SUCO: variants seen among roughly 807,000 people sequenced by gnomAD.
SUCO encodes SUN domain-containing ossification factor.
In SUCO, 57 loss-of-function variants were observed where a neutral mutation model predicts 148.1. The observed-to-expected ratio is 0.38, with a 90% CI of 0.31 to 0.48. The LOEUF is 0.48. Ranked by LOEUF, SUCO falls within the 20% of genes least tolerant of loss-of-function variation. SUCO has a pLI of 0.96. For missense variants in SUCO, 1,331 were observed against 1,468.2 expected (o/e 0.91, Z 1.53); for synonymous variants, 470 against 502.7 (o/e 0.93, Z 0.87).
chr1:172,611,071 A>G lies in SUCO; in HGVS notation c.*812A>G, dbSNP rs910180928. ...TCTTTAGCTTACATTTTAAACATAC[A>G]CAATAAACACTAATCCTCCAAACTT... On this transcript the variant is annotated 3_prime_UTR_variant, in exon 24 of 24. Transcript: ENST00000263688. 6 of 152,632 alleles carry G rather than the reference A, an allele frequency of 3.9e-5. No individual in the cohort carries two copies. Among genetic ancestry groups the G allele is most frequent in the African/African-American group, 1.2e-4 (5 of 41,458 alleles). 9.5% of individuals were successfully genotyped at this position (152,632 alleles called of 1,614,324 possible).
chr1:172,557,026 A>G (rs1653804696), intron 4 of SUCO: 3 of 973,394 alleles, frequency 3.1e-6, no homozygotes, highest in Non-Finnish European at 3.7e-6. Context: ...ATTAAACTTT[A>G]GAGAAGATAC....
chr1:172,556,719 C>T (rs1428077854), intron 4 of SUCO: 1 of 984,900 alleles, frequency 1.0e-6, no homozygotes, highest in Non-Finnish European at 1.2e-6. Flanking sequence ...GGCCAGGGAA[C>T]AGAAGACATG....
intron 2 of SUCO, 65 bp downstream of exon 2, chr1:172,551,691 C>A: frequency 1.9e-6 from 2 of 1,059,036 alleles, no homozygotes; most frequent in South Asian, 3.2e-5. Context: ...TGAAAACATT[C>A]AGAATAAAAG....
In SUCO at chr1:172,556,498, G is replaced by T. The variant is rs186686260; in HGVS notation, c.443+475G>T. ...ATCCTTAATTTAGAAAATTTGTTAT[G>T]TACTTCTCCTAGCTTCTTCCTGCAG... On this transcript the variant is annotated intron_variant, in intron 4 of 23. Coordinates refer to ENST00000263688, the MANE Select transcript of SUCO (RefSeq NM_014283.5). The T allele has an allele frequency of 9.3e-5, 49 of 526,756 alleles. No homozygotes were observed. The Middle Eastern group carries it at 2.9e-3, about 31-fold the overall frequency. 32.6% of individuals were successfully genotyped at this position (526,756 alleles called of 1,614,324 possible).
intron 6 of SUCO, among the ~76,000 whole-genome samples, chr1:172,561,001 G>T (rs1654108117): frequency 6.6e-6 from 1 of 152,208 alleles, no homozygotes; most frequent in African/African-American, 2.4e-5. Context: ...CTGAAAGAGG[G>T]TGGCACCGCC....
chr1:172,551,492 T>G lies in SUCO; in HGVS notation c.63-20T>G. The G allele has an allele frequency of 1.4e-6, 2 of 1,436,494 alleles. No homozygotes were observed. The highest frequency in any genetic ancestry group is 9.6e-7 in the Non-Finnish European group (1 of 1,040,170). The allele number at this position is 1,436,494 out of a possible 1,614,324, so 89.0% of individuals were successfully genotyped here. On this transcript the variant is annotated intron_variant, in intron 1 of 23. Transcript: ENST00000263688. ...CTCTTTCTCTTTTTCTGTTTGTTGG[T>G]GGTGGTGGGTGTTTTACAGGCTTCC...
In SUCO at chr1:172,573,473, G is replaced by A. The variant is rs1189938082; in HGVS notation, c.1050-418G>A. ...ATATATACAAAGGTGGACATCTGAA[G>A]CCTTGAATCCTTAAGATAAATTTCT... On this transcript the variant is annotated intron_variant, in intron 9 of 23. Coordinates refer to ENST00000263688, the MANE Select transcript of SUCO (RefSeq NM_014283.5). 2.6e-5 allele frequency among the ~76,000 whole-genome samples: 4 copies of A among 152,188 alleles called. No homozygotes were observed. In the East Asian group the frequency reaches 5.8e-4, roughly 22 times the overall value.
At chr1:172,608,675 G>A (rs984590684) in intron 22 of SUCO, 72 bp from the exon 23 acceptor site, 1 of 953,264 alleles carries the variant, frequency 1.0e-6, no homozygotes, top group Admixed American at 2.1e-5. Flanking sequence ...TCTTATTTTA[G>A]TGTTTAATTA....
chr1:172,593,896 G>A (rs570211407), intron 19 of SUCO, among the ~76,000 whole-genome samples: 1 of 152,108 alleles, frequency 6.6e-6, no homozygotes, highest in Non-Finnish European at 1.5e-5. Context: ...CTGTGAATCT[G>A]TCTGGTCCTG....
intron 22 of SUCO, among the ~76,000 whole-genome samples, chr1:172,604,668 C>A (rs747782633): frequency 3.3e-5 from 5 of 151,702 alleles, no homozygotes; most frequent in Non-Finnish European, 7.4e-5. Flanking sequence ...TTAACCAATT[C>A]CCCTTTTCTC....
At chr1:172,579,338 G>GACACACACA in intron 15 of SUCO, 71 bp downstream of exon 15, 1 of 969,094 alleles carries the variant, frequency 1.0e-6, no homozygotes, top group Non-Finnish European at 1.6e-6. Flanking sequence ...ATTTTGTCAT[G>GACACACACA]GTATGGTTGA....
chr1:172,557,264 T>A lies in SUCO; in HGVS notation c.444-16T>A, dbSNP rs1471971799. On this transcript the variant is annotated splice_polypyrimidine_tract_variant and intron_variant, in intron 4 of 23. Coordinates refer to ENST00000263688, the MANE Select transcript of SUCO (RefSeq NM_014283.5). ...TTATTTAATTACCAGATTATGTTTC[T>A]TGTTTCTTTTTTTAGTGAAATAGAA... 1 of 1,610,018 alleles carries A rather than the reference T, an allele frequency of 6.2e-7. No individual in the cohort carries two copies. The highest frequency in any genetic ancestry group is 1.7e-5 in the Admixed American group (1 of 59,378).
At chr1:172,571,668 G>A (rs1291522574) in intron 9 of SUCO, among the ~76,000 whole-genome samples, 4 of 122,238 alleles carry the variant, frequency 3.3e-5, no homozygotes, top group South Asian at 3.1e-4. Context: ...TTCTCTGCCC[G>A]GCCGCCCATC....
At chr1:172,542,866 A>C in intron 1 of SUCO, 1 of 985,460 alleles carries the variant, frequency 1.0e-6, no homozygotes, top group Non-Finnish European at 1.2e-6. Context: ...TTAAGTGGTC[A>C]ACAATATAAA....
chr1:172,570,053 C>G lies in SUCO; in HGVS notation c.863C>G (p.Ser288Trp), dbSNP rs534863341. The G allele has an allele frequency of 4.6e-6, 7 of 1,527,266 alleles. No homozygotes were observed. The East Asian group carries it at 1.7e-4, about 37-fold the overall frequency. 94.6% of individuals were successfully genotyped at this position (1,527,266 alleles called of 1,614,324 possible). Residue 288 changes from serine to tryptophan, a missense_variant, in exon 8 of 24, where the codon TCG (serine) becomes TGG (tryptophan). Around this residue, in one of 3 missense-constraint regions of SUCO, gnomAD observed 992 missense variants for 1,093.5 expected, o/e 0.91. Coordinates refer to ENST00000263688, the MANE Select transcript of SUCO (RefSeq NM_014283.5). ...VMEVEKEKSQ[S>W]MHASSNGGSH... ...AATAACGGTTTGTCTGCAGGTCAGT[C>G]GATGCATGCATCTTCTAATGGAGGT...
intron 10 of SUCO, chr1:172,574,881 T>C (rs1184361007): frequency 2.0e-6 from 2 of 985,156 alleles, no homozygotes; most frequent in African/African-American, 3.5e-5. Context: ...AATTCTGTTA[T>C]TCTGCCGCTA....
chr1:172,585,866 A>C lies in SUCO; in HGVS notation c.1576A>C (p.Ser526Arg). ...CATCTTTCTTAAAATAGGAAATAAA[A>C]GTATATCTGAGAATGCCACTGCCAC... ...KTEDLTEGNKSISENATATAA... is the reference protein window; with the variant it reads ...KTEDLTEGNKRISENATATAA... The change falls in exon 17 of 24, where the codon AGT (serine) becomes CGT (arginine). Residue 526 changes from serine to arginine, a missense_variant. Coordinates refer to ENST00000263688, the MANE Select transcript of SUCO (RefSeq NM_014283.5). 1 of 1,601,108 alleles carries C rather than the reference A, an allele frequency of 6.2e-7. No homozygotes were observed. Among genetic ancestry groups the C allele is most frequent in the East Asian group, 2.2e-5 (1 of 44,612 alleles).
chr1:172,567,414 T>C lies in SUCO; in HGVS notation c.733-1605T>C, dbSNP rs547468890. 5.9e-5 allele frequency among the ~76,000 whole-genome samples: 9 copies of C among 152,360 alleles called. No individual in the cohort carries two copies. In the East Asian group the frequency reaches 9.6e-4, roughly 16 times the overall value. On this transcript the variant is annotated intron_variant, in intron 6 of 23. Coordinates refer to ENST00000263688, the MANE Select transcript of SUCO (RefSeq NM_014283.5). ...ATGCCCTTCCTCAGTATTCCTTCTC[T>C]TGTCTTCAGATATAACCACTGTCTT... is the stretch of plus-strand genomic sequence containing the variant.
At chr1:172,577,011 A>T (rs569749414) in intron 11 of SUCO, 1 of 766,986 alleles carries the variant, frequency 1.3e-6, no homozygotes, top group Non-Finnish European at 1.6e-6. Flanking sequence ...GAAATAACAT[A>T]GCATACCAAA....
Sources: gnomAD v4.1 joint callset for allele counts (sites outside exome capture counted in the v4.1 genomes callset) on GRCh38, gnomAD v4.1.1 for gene constraint, gnomAD v4.1.1 regional missense constraint, MANE v1.5 for transcripts, NCBI Gene and HGNC (gene_info 2026-07-23, HGNC 2026-07-21) for gene names.